The following MEMO1 variants were observed in gnomAD, a reference collection of about 807,000 sequenced individuals.
MEMO1 encodes the protein protein MEMO1.
MEMO1 carries 6 observed loss-of-function variants against 45.2 expected under a neutral mutation model. The ratio of observed to expected loss-of-function variants is 0.13; its 90% confidence interval spans 0.07 to 0.26. The LOEUF (loss-of-function observed/expected upper bound fraction) is 0.26. MEMO1 is among the 10% of genes least tolerant of loss of function. The pLI is 1.00. For synonymous variants in MEMO1, 78 were observed against 124.3 expected (o/e 0.63, Z 2.48); for missense variants, 184 against 370.5 (o/e 0.50, Z 4.13).
intron 9 of MEMO1, 104 bp downstream of exon 9, chr2:31,869,743 GA>G: frequency 1.6e-6 from 2 of 1,235,958 alleles, no homozygotes; most frequent in Non-Finnish European, 2.2e-6. Context: ...AAAGAAACTT[GA>G]CCATAGGTAC....
intron 2 of MEMO1, among the ~76,000 whole-genome samples, chr2:31,964,259 A>C (rs1366549839): frequency 6.6e-6 from 1 of 152,056 alleles, no homozygotes; most frequent in Non-Finnish European, 1.5e-5. Flanking sequence ...CACACACACA[A>C]ACACAGTTTT....
chr2:31,910,226 A>G lies in MEMO1; in HGVS notation c.437+7700T>C, dbSNP rs568620363. Among the ~76,000 whole-genome samples the G allele has an allele frequency of 1.1e-3, 174 of 152,310 alleles. 1 individual carries two copies. The highest frequency in any genetic ancestry group is 4.1e-3 in the African/African-American group (171 of 41,580). On this transcript the variant is annotated intron_variant, in intron 6 of 9. Coordinates refer to ENST00000404530, the MANE Select transcript of MEMO1 (RefSeq NM_001301833.4). ...CTAACAAAAATTGAGGGAGTTTGTC[A>G]ATTTAGACATTAGATCTGCCTTGCA...
At chr2:31,938,028 C>T (rs1665128604) in intron 3 of MEMO1, among the ~76,000 whole-genome samples, 1 of 152,144 alleles carries the variant, frequency 6.6e-6, no homozygotes, top group Admixed American at 6.5e-5. Flanking sequence ...CACATACTGT[C>T]TCCTACACAT....
intron 7 of MEMO1, among the ~76,000 whole-genome samples, chr2:31,884,388 TGCATTTCTAAA>T (rs1484327773): frequency 6.6e-6 from 1 of 152,210 alleles, no homozygotes; most frequent in African/African-American, 2.4e-5. Context: ...TTGACCAAAA[TGCATTTCTAAA>T]GGAATTAGAC....
At chr2:31,988,841 T>C (rs71446035) in intron 2 of MEMO1, among the ~76,000 whole-genome samples, 14,921 of 152,250 alleles carry the variant, frequency 0.098, 787 homozygotes, top group Middle Eastern at 0.21. Flanking sequence ...TGCTTTTTTA[T>C]AGACCACCAT....
At chr2:31,927,956 C>CT (rs1231620015) in intron 4 of MEMO1, among the ~76,000 whole-genome samples, 1 of 152,152 alleles carries the variant, frequency 6.6e-6, no homozygotes, top group African/African-American at 2.4e-5. Flanking sequence ...TGCTTAATAT[C>CT]TATCTCACCT....
chr2:32,007,635 C>T (rs1162716486), intron 2 of MEMO1, among the ~76,000 whole-genome samples: 1 of 152,090 alleles, frequency 6.6e-6, no homozygotes, highest in African/African-American at 2.4e-5. Context: ...ATTCTACGGA[C>T]GCAACTTGAA....
chr2:31,920,421 T>C (rs948609416), intron 5 of MEMO1, among the ~76,000 whole-genome samples: 1 of 152,158 alleles, frequency 6.6e-6, no homozygotes, highest in African/African-American at 2.4e-5. Context: ...ATCAGCATTA[T>C]CTATTTACAG....
intron 2 of MEMO1, among the ~76,000 whole-genome samples, chr2:31,987,887 C>T (rs544136093): frequency 1.8e-4 from 28 of 152,222 alleles, no homozygotes; most frequent in Middle Eastern, 3.4e-3. Context: ...TCATCCTTCA[C>T]CATACTTTGA....
intron 6 of MEMO1, among the ~76,000 whole-genome samples, chr2:31,911,404 T>G (rs1208892291): frequency 2.0e-5 from 3 of 152,212 alleles, no homozygotes; most frequent in African/African-American, 7.2e-5. Context: ...GGTGAAGCAC[T>G]GATTTTTAGG....
chr2:31,883,896 T>C (rs1432339282), intron 7 of MEMO1, among the ~76,000 whole-genome samples: 1 of 150,044 alleles, frequency 6.7e-6, no homozygotes, highest in African/African-American at 2.4e-5. Context: ...TGATCTCTAT[T>C]ACGGGGGAAA....
At chr2:31,878,007 T>G (rs1162483064) in intron 8 of MEMO1, among the ~76,000 whole-genome samples, 2 of 152,130 alleles carry the variant, frequency 1.3e-5, no homozygotes, top group Non-Finnish European at 2.9e-5. Flanking sequence ...GAAATGTAAT[T>G]AAGTATTTAG....
At chr2:31,890,240 T>A (rs1445234054) in intron 7 of MEMO1, among the ~76,000 whole-genome samples, 1 of 152,070 alleles carries the variant, frequency 6.6e-6, no homozygotes, top group African/African-American at 2.4e-5. Flanking sequence ...AAAGCCCAGG[T>A]TCTAAAAAAT....
intron 4 of MEMO1, among the ~76,000 whole-genome samples, chr2:31,930,034 C>T (rs1421409516): frequency 6.6e-6 from 1 of 152,208 alleles, no homozygotes; most frequent in Non-Finnish European, 1.5e-5. Flanking sequence ...CCGAGGTGGG[C>T]GGATCACCCG....
chr2:31,995,143 A>G (rs1345956164), intron 2 of MEMO1, among the ~76,000 whole-genome samples: 1 of 152,092 alleles, frequency 6.6e-6, no homozygotes, highest in African/African-American at 2.4e-5. Context: ...AATCTAAATG[A>G]CATGAATATA....
chr2:31,959,378 G>C (rs1667750704), intron 2 of MEMO1, among the ~76,000 whole-genome samples: 1 of 152,046 alleles, frequency 6.6e-6, no homozygotes, highest in Non-Finnish European at 1.5e-5. Flanking sequence ...CAATAAGGAA[G>C]GGAAAAGAGG....
intron 2 of MEMO1, among the ~76,000 whole-genome samples, chr2:31,965,852 A>G (rs932999512): frequency 4.6e-5 from 7 of 152,332 alleles, no homozygotes; most frequent in Admixed American, 3.3e-4. Flanking sequence ...TAGGAAAAAT[A>G]GCTAATGCAT....
At chr2:31,956,064 G>C (rs953343521) in intron 2 of MEMO1, among the ~76,000 whole-genome samples, 1 of 152,184 alleles carries the variant, frequency 6.6e-6, no homozygotes, top group African/African-American at 2.4e-5. Context: ...ACCACCTCAA[G>C]TGACACAAAT....
At chr2:32,003,394 A>G (rs551429015) in intron 2 of MEMO1, among the ~76,000 whole-genome samples, 36 of 152,340 alleles carry the variant, frequency 2.4e-4, no homozygotes, top group African/African-American at 8.4e-4. Flanking sequence ...CATCAATAAT[A>G]TAACCACTAT....
Sources: allele counts gnomAD v4.1 joint callset (sites outside exome capture counted in the v4.1 genomes callset), GRCh38; gene constraint gnomAD v4.1.1; transcripts MANE v1.5; gene names NCBI Gene and HGNC (gene_info 2026-07-23, HGNC 2026-07-21).